KCNB2: variants seen among roughly 807,000 people sequenced by gnomAD.
KCNB2 encodes delayed rectifier potassium channel protein.
In KCNB2, 15 loss-of-function variants were observed where a neutral mutation model predicts 61.5. The ratio of observed to expected loss-of-function variants is 0.24; its 90% confidence interval spans 0.16 to 0.38. The LOEUF (loss-of-function observed/expected upper bound fraction) is 0.38. Among genes scored for constraint, KCNB2 ranks in the 10% least tolerant of loss-of-function variants. The probability of loss-of-function intolerance (pLI) is 1.00; values close to 1 mark genes in which losing one functional copy is unlikely to be tolerated. For missense variants in KCNB2, 828 were observed against 1,125.2 expected (o/e 0.74, Z 3.78); for synonymous variants, 457 against 446.0 (o/e 1.02, Z -0.31).
chr8:72,873,590 G>A (rs1257837234), intron 2 of KCNB2, among the ~76,000 whole-genome samples: 3 of 152,200 alleles, frequency 2.0e-5, no homozygotes, highest in Non-Finnish European at 4.4e-5. Context: ...CCTCTGGCGG[G>A]GCCAAGCTGA....
intron 1 of KCNB2, among the ~76,000 whole-genome samples, chr8:72,540,477 C>G (rs1456630293): frequency 6.6e-6 from 1 of 151,894 alleles, no homozygotes; most frequent in East Asian, 1.9e-4. Flanking sequence ...TGTGTGATTT[C>G]TTTTTTAGCC....
chr8:72,821,657 A>C lies in KCNB2; in HGVS notation c.580-114278A>C, dbSNP rs564616967. On this transcript the variant is annotated intron_variant, in intron 2 of 2. Transcript: ENST00000523207. ...AAAAAAAAACAAAAAAAAAAAAAAA[A>C]AAACACACACACACCAAGCCCCCAC... is the stretch of plus-strand genomic sequence containing the variant. Among the ~76,000 whole-genome samples, 808 of 146,836 alleles carry C rather than the reference A, an allele frequency of 5.5e-3. 6 individuals are homozygous for C. Among genetic ancestry groups the C allele is most frequent in the African/African-American group, 0.016 (638 of 40,720 alleles).
chr8:72,929,605 C>G (rs1199364981), intron 2 of KCNB2, among the ~76,000 whole-genome samples: 1 of 152,020 alleles, frequency 6.6e-6, no homozygotes, highest in African/African-American at 2.4e-5. Flanking sequence ...GTGACTTGTC[C>G]TGGGTTTGGT....
intron 2 of KCNB2, among the ~76,000 whole-genome samples, chr8:72,770,944 G>A (rs1056351160): frequency 1.3e-5 from 2 of 152,216 alleles, no homozygotes; most frequent in African/African-American, 2.4e-5. Context: ...CACTGTTCTT[G>A]TATTGCTCCA....
rs977398093 is a variant in KCNB2 at position 72,762,087 on chromosome 8, C to T, written c.580-173848C>T. Among the ~76,000 whole-genome samples, 4 of 152,160 alleles carry T rather than the reference C, an allele frequency of 2.6e-5. No individual in the cohort carries two copies. In the South Asian group the frequency reaches 8.3e-4, roughly 31 times the overall value. Reference sequence around the variant, plus strand: ...GTTCTTTATGAAATACATTGTACTACCTGCCAATGAGTTCAATCTGAGTAG... The same window carrying T: ...GTTCTTTATGAAATACATTGTACTATCTGCCAATGAGTTCAATCTGAGTAG... On this transcript the variant is annotated intron_variant, in intron 2 of 2. Coordinates refer to ENST00000523207, the MANE Select transcript of KCNB2 (RefSeq NM_004770.3).
chr8:72,936,159 C>G lies in KCNB2; in HGVS notation c.804C>G (p.Val268=). The G allele has an allele frequency of 6.2e-7, 1 of 1,614,216 alleles. No homozygotes were observed. The highest frequency in any genetic ancestry group is 1.1e-5 in the South Asian group (1 of 91,086). The change falls in exon 3 of 3, where the codon GTC becomes GTG. Residue 268 remains valine (V), a synonymous_variant. Transcript: ENST00000523207. The surrounding 1 kb of genome is among the most constrained non-coding windows in gnomAD (Gnocchi z 5.6). The part of the protein sequence containing the change: ...KWKFFKGPLN[V]IDLLAILPYY... ...AGTTCTTCAAAGGCCCACTGAATGT[C>G]ATTGATTTGCTGGCCATCTTGCCGT...
intron 2 of KCNB2, chr8:72,661,320 T>C (rs111636374): frequency 6.6e-5 from 10 of 152,218 alleles, no homozygotes; most frequent in African/African-American, 1.4e-4. Flanking sequence ...TTACCTCAAA[T>C]ACATTTTTGA....
At chr8:72,909,758 G>A (rs1806252302) in intron 2 of KCNB2, among the ~76,000 whole-genome samples, 1 of 152,080 alleles carries the variant, frequency 6.6e-6, no homozygotes, top group Admixed American at 6.6e-5. Context: ...TGGGCTTTGG[G>A]GACTGATTGG....
intron 1 of KCNB2, among the ~76,000 whole-genome samples, chr8:72,557,395 C>G (rs1475501323): frequency 2.5e-5 from 2 of 79,806 alleles, no homozygotes; most frequent in African/African-American, 9.5e-5. Context: ...TTGATGCATT[C>G]TTTTCTTTTA....
intron 2 of KCNB2, among the ~76,000 whole-genome samples, chr8:72,836,988 C>T (rs1183372288): frequency 6.6e-6 from 1 of 152,154 alleles, no homozygotes; most frequent in East Asian, 1.9e-4. Context: ...AGGTGGACTT[C>T]AATAAAACAC....
At chr8:72,882,185 C>A (rs1262424684) in intron 2 of KCNB2, among the ~76,000 whole-genome samples, 1 of 152,196 alleles carries the variant, frequency 6.6e-6, no homozygotes, top group East Asian at 1.9e-4. Context: ...ACCACCAGCA[C>A]CTCCACACGG....
chr8:72,899,041 T>C (rs1217757609), intron 2 of KCNB2, among the ~76,000 whole-genome samples: 1 of 152,138 alleles, frequency 6.6e-6, no homozygotes, highest in Non-Finnish European at 1.5e-5. Context: ...CAATCCACCA[T>C]TGATGGGCAC....
intron 2 of KCNB2, among the ~76,000 whole-genome samples, chr8:72,904,265 C>G (rs1806135020): frequency 6.6e-6 from 1 of 152,094 alleles, no homozygotes; most frequent in Non-Finnish European, 1.5e-5. Context: ...TCGTTTTAGA[C>G]TCTTTGAAAG....
At chr8:72,596,268 G>A (rs1807188177) in intron 2 of KCNB2, among the ~76,000 whole-genome samples, 1 of 152,102 alleles carries the variant, frequency 6.6e-6, no homozygotes, top group Admixed American at 6.5e-5. Context: ...AAGAGACTAG[G>A]TAATATGTCA....
intron 2 of KCNB2, among the ~76,000 whole-genome samples, chr8:72,619,565 C>G (rs1435670162): frequency 6.6e-6 from 1 of 151,178 alleles, no homozygotes; most frequent in Non-Finnish European, 1.5e-5. Context: ...GCAACCTGCA[C>G]CTCTTTCTCC....
At chr8:72,556,817 C>T (rs990173177) in intron 1 of KCNB2, among the ~76,000 whole-genome samples, 2 of 152,102 alleles carry the variant, frequency 1.3e-5, no homozygotes, top group Non-Finnish European at 2.9e-5. Context: ...GGTATGGTAT[C>T]TTAGTCCTTT....
chr8:72,586,970 T>G (rs954352972), intron 2 of KCNB2, among the ~76,000 whole-genome samples: 2 of 152,248 alleles, frequency 1.3e-5, no homozygotes, highest in Non-Finnish European at 2.9e-5. Context: ...AAACTTGGTG[T>G]TGGCCTCTTT....
chr8:72,867,414 G>A (rs1315401157), intron 2 of KCNB2, among the ~76,000 whole-genome samples: 2 of 152,186 alleles, frequency 1.3e-5, no homozygotes, highest in Non-Finnish European at 2.9e-5. Context: ...TTTGGGAGCA[G>A]AGGCGGGTGG....
intron 2 of KCNB2, among the ~76,000 whole-genome samples, chr8:72,779,371 G>A (rs952387371): frequency 3.9e-5 from 6 of 152,168 alleles, no homozygotes; most frequent in African/African-American, 1.4e-4. Flanking sequence ...TTTGCATGCA[G>A]GACAGCTTCA....
Sources: allele counts gnomAD v4.1 joint callset (sites outside exome capture counted in the v4.1 genomes callset), GRCh38; gene constraint gnomAD v4.1.1; non-coding constraint Gnocchi (gnomAD v3.1); transcripts MANE v1.5; gene names NCBI Gene and HGNC (gene_info 2026-07-23, HGNC 2026-07-21).